The following PM20D2 variants were observed in gnomAD, a reference collection of about 807,000 sequenced individuals.
PM20D2 encodes the protein xaa-Arg dipeptidase.
Under a neutral mutation model 42.9 loss-of-function variants are expected in PM20D2, and 33 were observed. The observed-to-expected ratio is 0.77, with a 90% CI of 0.58 to 1.03. The LOEUF (loss-of-function observed/expected upper bound fraction) is 1.03, where lower values mean the gene tolerates loss of function less well. PM20D2 is among the 50% of genes least tolerant of loss of function. PM20D2 has a pLI of 0.00. For synonymous variants in PM20D2, 250 were observed against 228.2 expected, an observed-to-expected ratio of 1.10 and a Z score of -0.86; for missense variants, 548 against 557.0, an observed-to-expected ratio of 0.98 and a Z score of 0.16.
chr6:89,111,986 T>C, the PM20D2 span, among the ~76,000 whole-genome samples: 2 of 152,204 alleles, frequency 1.3e-5, no homozygotes, highest in Non-Finnish European at 2.9e-5. Flanking sequence ...GTTTCACCAG[T>C]GAAAAGAAAC....
the PM20D2 span, among the ~76,000 whole-genome samples, chr6:89,137,535 T>C: frequency 6.6e-6 from 1 of 152,200 alleles, no homozygotes; most frequent in Non-Finnish European, 1.5e-5. Context: ...GCATGAAAAT[T>C]ATTTAGCCAT....
In PM20D2 at chr6:89,165,419, T is replaced by C. The variant is rs1188135534; in HGVS notation, c.*3156T>C. On this transcript the variant is annotated 3_prime_UTR_variant, in exon 7 of 7. Coordinates refer to ENST00000275072, the MANE Select transcript of PM20D2 (RefSeq NM_001010853.3). ...TCAAGCATTTTGCAGTCCAATTATA[T>C]AGTTGAGGATGGTGTATTTTGATAT... The C allele has an allele frequency of 1.3e-5, 2 of 152,204 alleles. No individual in the cohort carries two copies. Among genetic ancestry groups the C allele is most frequent in the Non-Finnish European group, 2.9e-5 (2 of 68,024 alleles). The allele number at this position is 152,204 out of a possible 1,614,324, so 9.4% of individuals were successfully genotyped here. A position where few individuals can be genotyped will look rare whatever the true frequency, so the allele number is the denominator to read the frequency against.
At chr6:89,131,105 C>T in the PM20D2 span, among the ~76,000 whole-genome samples, 1 of 152,152 alleles carries the variant, frequency 6.6e-6, no homozygotes, top group African/African-American at 2.4e-5. Flanking sequence ...GGTGGTATCA[C>T]ATGCCAAGGG....
chr6:89,142,783 G>A (rs1013968138), upstream of PM20D2, among the ~76,000 whole-genome samples: 3 of 152,050 alleles, frequency 2.0e-5, no homozygotes, highest in Non-Finnish European at 2.9e-5. Context: ...TCAGCCTCCC[G>A]AATAGCTGGG....
rs1771275681 is a variant in PM20D2, at chr6:89,162,388, G to C, written c.*125G>C. 2 of 1,017,094 alleles carry C rather than the reference G, an allele frequency of 2.0e-6. No individual in the cohort carries two copies. Among genetic ancestry groups the C allele is most frequent in the Non-Finnish European group, 2.8e-6 (2 of 718,460 alleles). 63.0% of individuals were successfully genotyped at this position (1,017,094 alleles called of 1,614,324 possible). Reference sequence around the variant, plus strand: ...AAATTCTTTTTACCTGATAAGTGAGGACAGGGTGTGGAGAAAACATATTAA... The same window carrying C: ...AAATTCTTTTTACCTGATAAGTGAGCACAGGGTGTGGAGAAAACATATTAA... On this transcript the variant is annotated 3_prime_UTR_variant, in exon 7 of 7. Coordinates refer to ENST00000275072, the MANE Select transcript of PM20D2 (RefSeq NM_001010853.3).
Position 89,162,101 on chromosome 6 carries a change from C to T in PM20D2, c.1157-8C>T. The T allele has an allele frequency of 6.3e-7, 1 of 1,596,604 alleles. No homozygotes were observed. The highest frequency in any genetic ancestry group is 8.5e-7 in the Non-Finnish European group (1 of 1,174,420). ...GTAAGGAGGTATTTTATTTTCTCTACCTTTTAGGGTCACAGGAAGCTCAGT... is the reference window on the plus strand; with the variant it reads ...GTAAGGAGGTATTTTATTTTCTCTATCTTTTAGGGTCACAGGAAGCTCAGT... On this transcript the variant is annotated splice_polypyrimidine_tract_variant and splice_region_variant and intron_variant, in intron 6 of 6. Transcript: ENST00000275072.
the PM20D2 span, among the ~76,000 whole-genome samples, chr6:89,109,123 T>C: frequency 6.6e-6 from 1 of 152,150 alleles, no homozygotes; most frequent in Admixed American, 6.5e-5. Context: ...TAGACTGGCA[T>C]AAAGATTCTC....
At chr6:89,128,495 C>T in the PM20D2 span, among the ~76,000 whole-genome samples, 2 of 146,264 alleles carry the variant, frequency 1.4e-5, no homozygotes, top group East Asian at 3.9e-4. Context: ...AGTAGTTCTG[C>T]TTTTGCCCTT....
the PM20D2 span, among the ~76,000 whole-genome samples, chr6:89,095,609 GT>G: frequency 6.6e-6 from 1 of 152,184 alleles, no homozygotes; most frequent in Non-Finnish European, 1.5e-5. Flanking sequence ...GCAACAGCAT[GT>G]CTTAGAACAG....
chr6:89,145,003 T>A (rs567768868), upstream of PM20D2, among the ~76,000 whole-genome samples: 2 of 152,336 alleles, frequency 1.3e-5, no homozygotes, highest in East Asian at 1.9e-4. Flanking sequence ...TAGCTTCCCT[T>A]AGACTTATTT....
At chr6:89,143,787 AG>A (rs538664878), upstream of PM20D2, among the ~76,000 whole-genome samples, 218 of 152,352 alleles carry the variant, frequency 1.4e-3, 1 homozygote, top group African/African-American at 5.1e-3. Flanking sequence ...ATCAGCTTCC[AG>A]AAGCAATTCT....
chr6:89,109,070 T>C, the PM20D2 span, among the ~76,000 whole-genome samples: 2 of 152,168 alleles, frequency 1.3e-5, no homozygotes, highest in Admixed American at 6.5e-5. Context: ...TCTAGGAATA[T>C]AATGAGAAAC....
At chr6:89,160,292 C>A (rs1771192631) in intron 5 of PM20D2, among the ~76,000 whole-genome samples, 1 of 152,200 alleles carries the variant, frequency 6.6e-6, no homozygotes, top group African/African-American at 2.4e-5. Flanking sequence ...ACATAACTAG[C>A]AGCTGTGAGA....
rs1771125069 is a variant in PM20D2 at position 89,158,436 on chromosome 6, G to A, written c.1024G>A (p.Asp342Asn). The change falls in exon 5 of 7, where the codon GAT (aspartate) becomes AAT (asparagine). Residue 342 changes from aspartate to asparagine, a missense_variant. By Grantham distance (23) the Asp-to-Asn change is conservative. This residue lies in a region of PM20D2 where 470 missense variants were observed against 464.4 expected (regional missense o/e 1.01). Transcript: ENST00000275072. The stretch of plus-strand genomic sequence containing the variant: ...GCTAGGAATAGAGTTCATTTCAGAA[G>A]ATACAATGTTGAATGGCCCTTCAGG... ...RKLGIEFISE[D>N]TMLNGPSGST... is the part of the protein sequence containing the mutation. The A allele has an allele frequency of 1.2e-6, 2 of 1,609,294 alleles. No individual in the cohort carries two copies. The highest frequency in any genetic ancestry group is 4.5e-5 in the East Asian group (2 of 44,690).
the PM20D2 span, among the ~76,000 whole-genome samples, chr6:89,111,837 T>G: frequency 6.6e-6 from 1 of 152,188 alleles, no homozygotes; most frequent in African/African-American, 2.4e-5. Context: ...TTGTTGTGTT[T>G]TTGTTTTTGG....
chr6:89,134,112 G>A, the PM20D2 span, among the ~76,000 whole-genome samples: 1 of 151,108 alleles, frequency 6.6e-6, no homozygotes, highest in Non-Finnish European at 1.5e-5. Flanking sequence ...CCTCGGCCCT[G>A]ACTCCTGGCC....
the PM20D2 span, among the ~76,000 whole-genome samples, chr6:89,135,008 T>G: frequency 7.9e-5 from 12 of 151,160 alleles, no homozygotes; most frequent in South Asian, 2.5e-3. Context: ...GCAGTCAGTC[T>G]GCTGCAGAAG....
At chr6:89,104,873 C>T in the PM20D2 span, among the ~76,000 whole-genome samples, 1 of 151,812 alleles carries the variant, frequency 6.6e-6, no homozygotes, top group East Asian at 1.9e-4. Flanking sequence ...GGCAACATAG[C>T]GAGACCTCCA....
At position 89,161,847 on chromosome 6, in the gene PM20D2, A is replaced by C. The variant is rs781253428; in HGVS notation, c.1113A>C (p.Gly371=). The change falls in exon 6 of 7, where the codon GGA becomes GGC. Residue 371 remains glycine, a synonymous_variant. Transcript: ENST00000275072. ...VPGIHPYFHI[G]SNALNHTEQY... is the part of the protein sequence containing the mutation. ...GAATTCATCCATATTTTCACATTGG[A>C]TCTAATGCCTTGAATCATACTGAAC... The C allele has an allele frequency of 1.9e-6, 3 of 1,613,676 alleles. No homozygotes were observed. The highest frequency in any genetic ancestry group is 1.7e-5 in the Admixed American group (1 of 60,000).
Sources: gnomAD v4.1 joint callset for allele counts (sites outside exome capture counted in the v4.1 genomes callset) on GRCh38, gnomAD v4.1.1 for gene constraint, gnomAD v4.1.1 regional missense constraint, MANE v1.5 for transcripts, NCBI Gene and HGNC (gene_info 2026-07-23, HGNC 2026-07-21) for gene names.